The following MINK1 variants were observed in gnomAD, a reference collection of about 807,000 sequenced individuals.
MINK1 encodes the protein misshapen-like kinase 1.
Under a neutral mutation model 178.4 loss-of-function variants are expected in MINK1, and 46 were observed. The ratio of observed to expected loss-of-function variants is 0.26; its 90% CI spans 0.20 to 0.33. The LOEUF is 0.33. MINK1 is among the 10% of genes least tolerant of loss of function. The pLI, the probability that MINK1 is intolerant of heterozygous loss-of-function variation, is 1.00. For missense variants in MINK1, 1,366 were observed against 1,814.9 expected (o/e 0.75, Z 4.49); for synonymous variants, 797 against 709.7 (o/e 1.12, Z -1.96).
At position 4,896,668 on chromosome 17, in the gene MINK1, C is replaced by T; in HGVS notation, c.3776-6C>T. On this transcript the variant is annotated splice_polypyrimidine_tract_variant and splice_region_variant and intron_variant, in intron 30 of 31. Transcript: ENST00000355280. This position sits in a 1 kb window ranked among gnomAD's most constrained non-coding sequence, Gnocchi z 4.6. ...GCCTGCTCAGCCCCTCACCTGTTCC[C>T]CACAGCCTACATCTGCTCCAACCAG... The T allele has an allele frequency of 6.2e-7, 1 of 1,602,640 alleles. No homozygotes were observed. Among genetic ancestry groups the T allele is most frequent in the Non-Finnish European group, 8.5e-7 (1 of 1,173,232 alleles).
rs1295407012 is a variant in MINK1, at chr17:4,889,727, G to C, written c.1311G>C (p.Arg437=). Residue 437 remains arginine (R), a synonymous_variant, in exon 13 of 32, where the codon CGG becomes CGC. Coordinates refer to ENST00000355280, the MANE Select transcript of MINK1 (RefSeq NM_153827.5). ...GGCTGGAGGACATGCAGGCTCTGCG[G>C]CGGGAGGAGGAGCGGCGGCAGGCGG... ...QRRLEDMQAL[R]REEERRQAER... 6.5e-7 allele frequency: 1 copy of C among 1,550,018 alleles called. No individual in the cohort carries two copies. The highest frequency in any genetic ancestry group is 2.4e-5 in the East Asian group (1 of 41,244).
intron 12 of MINK1, among the ~76,000 whole-genome samples, chr17:4,888,400 G>A (rs62073637): frequency 0.41 from 61,932 of 151,822 alleles, 15,481 homozygotes; most frequent in Non-Finnish European, 0.57. Flanking sequence ...TTTGGGAGTC[G>A]GAGGATGGGG....
At position 4,886,181 on chromosome 17, in the gene MINK1, G is replaced by A; in HGVS notation, c.756G>A (p.Arg252=). ...LFLIPRNPPP[R]LKSKKWSKKF... Reference sequence around the variant, plus strand: ...TCATTCCTCGGAACCCTCCGCCCAGGCTCAAGTCCAAGAAGTGGTAGGTCT... The same window carrying A: ...TCATTCCTCGGAACCCTCCGCCCAGACTCAAGTCCAAGAAGTGGTAGGTCT... Residue 252 remains arginine (R), a synonymous_variant, in exon 9 of 32, where the codon AGG becomes AGA. Coordinates refer to ENST00000355280, the MANE Select transcript of MINK1 (RefSeq NM_153827.5). The surrounding 1 kb of genome is among the most constrained non-coding windows in gnomAD (Gnocchi z 6.1). The A allele has an allele frequency of 6.2e-7, 1 of 1,613,986 alleles. No homozygotes were observed. The highest frequency in any genetic ancestry group is 8.5e-7 in the Non-Finnish European group (1 of 1,179,868).
chr17:4,880,320 C>T (rs1472446924), intron 2 of MINK1, among the ~76,000 whole-genome samples: 2 of 140,672 alleles, frequency 1.4e-5, no homozygotes, highest in African/African-American at 5.4e-5. Flanking sequence ...TTTTTTGAGA[C>T]GGAGTCTTGC....
intron 1 of MINK1, among the ~76,000 whole-genome samples, chr17:4,868,326 A>G (rs1915350719): frequency 6.6e-6 from 1 of 152,102 alleles, no homozygotes. Flanking sequence ...AACTGTGGTT[A>G]CCCTACTGTG....
chr17:4,834,315 G>A (rs1316529338), intron 1 of MINK1, among the ~76,000 whole-genome samples: 1 of 152,068 alleles, frequency 6.6e-6, no homozygotes, highest in East Asian at 1.9e-4. Context: ...GGGGCTGGGA[G>A]CCCTCGGGGA....
chr17:4,869,906 TTTTC>T (rs1218056118), intron 1 of MINK1, among the ~76,000 whole-genome samples: 2 of 144,126 alleles, frequency 1.4e-5, no homozygotes, highest in African/African-American at 5.1e-5. Flanking sequence ...GCGCAATTTT[TTTTC>T]TTTCTTTTTT....
chr17:4,886,399 C>T lies in MINK1; in HGVS notation c.774-52C>T. 8 of 1,566,536 alleles carry T rather than the reference C, an allele frequency of 5.1e-6. No homozygotes were observed. The highest frequency in any genetic ancestry group is 6.9e-6 in the Non-Finnish European group (8 of 1,151,408). On this transcript the variant is annotated intron_variant, in intron 9 of 31. Coordinates refer to ENST00000355280, the MANE Select transcript of MINK1 (RefSeq NM_153827.5). The surrounding 1 kb of genome is among the most constrained non-coding windows in gnomAD (Gnocchi z 6.1). The stretch of plus-strand genomic sequence containing the variant: ...TGAATGATCCACCCTCTTCCTCCTG[C>T]ACCCATCCCTTCTGAGGGGACCCTC...
In MINK1 at chr17:4,888,664, C is replaced by T. The variant is rs190625691; in HGVS notation, c.1230+874C>T. On this transcript the variant is annotated intron_variant, in intron 12 of 31. Transcript: ENST00000355280. ...AAAAAAATAAAATAAATATAGCGTT[C>T]AGATAGTATAGTAACAAAGTCCTAT... Among the ~76,000 whole-genome samples, 42 of 147,914 alleles carry T rather than the reference C, an allele frequency of 2.8e-4. No homozygotes were observed. The East Asian group carries it at 3.9e-3, about 14-fold the overall frequency.
rs200852679 is a variant in MINK1, at chr17:4,894,292, C to T, written c.2789C>T (p.Ser930Leu). The T allele has an allele frequency of 3.9e-5, 63 of 1,612,738 alleles. No homozygotes were observed. Among genetic ancestry groups the T allele is most frequent in the Admixed American group, 1.8e-4 (11 of 59,926 alleles). Residue 930 changes from serine (S) to leucine (L), a missense_variant, in exon 23 of 32, where the codon TCG (serine) becomes TTG (leucine). By Grantham distance (145) the Ser-to-Leu change is moderately radical (BLOSUM62 -2). This residue lies in a region of MINK1 where 709 missense variants were observed against 692.3 expected (regional missense o/e 1.02). Transcript: ENST00000355280. The surrounding 1 kb of genome is among the most constrained non-coding windows in gnomAD (Gnocchi z 4.1). ...AACAGCAAAGGCCAAAGCCCACCCT[C>T]GAAGGATGGGAGTGGTGACGTAAGT... ...TENSKGQSPP[S>L]KDGSGDYQSR...
In MINK1 at chr17:4,836,679, T is replaced by A. The variant is rs1909353161; in HGVS notation, c.57+3039T>A. On this transcript the variant is annotated intron_variant, in intron 1 of 31. Transcript: ENST00000355280. This position sits in a 1 kb window ranked among gnomAD's most constrained non-coding sequence, Gnocchi z 4.3. ...TAGTACAGTTCCCAGCACACAGTGA[T>A]CATATATGTGATAGCCCTTTTTGCA... Among the ~76,000 whole-genome samples, 1 of 152,160 alleles carries A rather than the reference T, an allele frequency of 6.6e-6. No homozygotes were observed. The highest frequency in any genetic ancestry group is 1.5e-5 in the Non-Finnish European group (1 of 68,040).
chr17:4,854,430 A>G (rs1912688003), intron 1 of MINK1, among the ~76,000 whole-genome samples: 1 of 152,194 alleles, frequency 6.6e-6, no homozygotes, highest in South Asian at 2.1e-4. Flanking sequence ...TGAGAGGAGG[A>G]GGGGAATAAA....
chr17:4,880,409 C>T (rs577839791), intron 2 of MINK1, among the ~76,000 whole-genome samples: 6 of 150,732 alleles, frequency 4.0e-5, no homozygotes, highest in Admixed American at 1.3e-4. Context: ...CCTCAGCCTC[C>T]TGAGTAGCTG....
intron 1 of MINK1, chr17:4,859,085 A>G (rs1381200127): frequency 1.0e-6 from 1 of 969,610 alleles, no homozygotes; most frequent in Non-Finnish European, 1.2e-6. Flanking sequence ...CTCTAGCAGC[A>G]GGACCTGCCG....
rs1386795288 is a variant in MINK1, at chr17:4,836,514, A to G, written c.57+2874A>G. ...TCAAGTCCTAGTTTCTTCCCTTACAATGTAACCCTGGCCCTGCTCCCCTTA... is the reference window on the plus strand; with the variant it reads ...TCAAGTCCTAGTTTCTTCCCTTACAGTGTAACCCTGGCCCTGCTCCCCTTA... On this transcript the variant is annotated intron_variant, in intron 1 of 31. Transcript: ENST00000355280. This position sits in a 1 kb window ranked among gnomAD's most constrained non-coding sequence, Gnocchi z 4.3. Among the ~76,000 whole-genome samples, 2 of 152,098 alleles carry G rather than the reference A, an allele frequency of 1.3e-5. No homozygotes were observed. Among genetic ancestry groups the G allele is most frequent in the African/African-American group, 4.8e-5 (2 of 41,422 alleles).
In MINK1 at chr17:4,895,091, G is replaced by C. The variant is rs758786969; in HGVS notation, c.2934G>C (p.Glu978Asp). 3 of 1,613,460 alleles carry C rather than the reference G, an allele frequency of 1.9e-6. No homozygotes were observed. In the African/African-American group the frequency reaches 4.0e-5, roughly 22 times the overall value. The change falls in exon 25 of 32, where the codon GAG becomes GAC. Residue 978 changes from glutamate (E) to aspartate (D), a missense_variant. Around this residue, in one of 14 missense-constraint regions of MINK1, gnomAD observed 709 missense variants for 692.3 expected, o/e 1.02. Transcript: ENST00000355280. The surrounding 1 kb of genome is among the most constrained non-coding windows in gnomAD (Gnocchi z 4.3). ...SIPITALVGG[E>D]GTRLDQLQYD... ...TTCTGGCAGCCCTAGTGGGTGGAGA[G>C]GGCACTCGGCTCGACCAGCTGCAGT...
rs1225070432 is a variant in MINK1, at chr17:4,886,649, GCAGGTACTAGGGGA to G, written c.949+26_949+39del. The G allele has an allele frequency of 1.9e-6, 3 of 1,559,234 alleles. No individual in the cohort carries two copies. In the African/African-American group the frequency reaches 4.1e-5, roughly 21 times the overall value. Reference sequence around the variant, plus strand: ...AAGGTCAGTGGGCAGGCTGGAGGGGGCAGGTACTAGGGGACACTCCAGCCTGGCTCCTCTCTGCC... The same window carrying G: ...AAGGTCAGTGGGCAGGCTGGAGGGGGCACTCCAGCCTGGCTCCTCTCTGCC... On this transcript the variant is annotated intron_variant, in intron 10 of 31. Coordinates refer to ENST00000355280, the MANE Select transcript of MINK1 (RefSeq NM_153827.5). The surrounding 1 kb of genome is among the most constrained non-coding windows in gnomAD (Gnocchi z 6.1).
At position 4,849,759 on chromosome 17, in the gene MINK1, G is replaced by A. The variant is rs149860677; in HGVS notation, c.57+16119G>A. 4.6e-5 allele frequency among the ~76,000 whole-genome samples: 7 copies of A among 152,158 alleles called. No individual in the cohort carries two copies. In the East Asian group the frequency reaches 1.4e-3, roughly 29 times the overall value. On this transcript the variant is annotated intron_variant, in intron 1 of 31. Coordinates refer to ENST00000355280, the MANE Select transcript of MINK1 (RefSeq NM_153827.5). The stretch of plus-strand genomic sequence containing the variant: ...GCTAATTTTTTGTATGTTTAGTAGA[G>A]GTGGGGTTTCTCCATGTTGGTCAGG...
intron 5 of MINK1, 106 bp downstream of exon 5, chr17:4,884,579 T>C (rs1968026283): frequency 1.2e-6 from 1 of 838,178 alleles, no homozygotes; most frequent in Non-Finnish European, 2.0e-6. Flanking sequence ...ACTGCCCTCT[T>C]TAGGGAGCAG....
Sources: allele counts gnomAD v4.1 joint callset (sites outside exome capture counted in the v4.1 genomes callset), GRCh38; gene constraint gnomAD v4.1.1; regional missense constraint gnomAD v4.1.1; non-coding constraint Gnocchi (gnomAD v3.1); transcripts MANE v1.5; gene names NCBI Gene and HGNC (gene_info 2026-07-23, HGNC 2026-07-21).